Variants in LRRC4C observed in about 807,000 individuals in gnomAD.
LRRC4C encodes leucine-rich repeat-containing protein 4C.
A neutral mutation model predicts 33.6 loss-of-function variants in LRRC4C; 5 were observed. That is an observed-to-expected ratio of 0.15 (90% CI 0.08 to 0.31). LRRC4C has a LOEUF of 0.31. Ranked by LOEUF, LRRC4C falls within the 10% of genes least tolerant of loss-of-function variation. The pLI, the probability that LRRC4C is intolerant of heterozygous loss-of-function variation, is 1.00. For missense variants in LRRC4C, 560 were observed against 796.7 expected, an observed-to-expected ratio of 0.70 and a Z score of 3.58; for synonymous variants, 329 against 302.0, an observed-to-expected ratio of 1.09 and a Z score of -0.93.
intron 3 of LRRC4C, among the ~76,000 whole-genome samples, chr11:40,512,094 A>G (rs72899069): frequency 0.065 from 9,837 of 152,236 alleles, 837 homozygotes; most frequent in African/African-American, 0.2. Flanking sequence ...CCTATATCCT[A>G]AATAGCAAGA....
intron 1 of LRRC4C, among the ~76,000 whole-genome samples, chr11:41,119,138 G>A (rs983610917): frequency 9.9e-5 from 15 of 151,796 alleles, no homozygotes; most frequent in African/African-American, 3.6e-4. Flanking sequence ...TTTCATTGCC[G>A]TTTGCTGACG....
chr11:41,286,528 C>T (rs571816716), intron 1 of LRRC4C, among the ~76,000 whole-genome samples: 7 of 152,086 alleles, frequency 4.6e-5, no homozygotes, highest in Non-Finnish European at 8.8e-5. Flanking sequence ...CCAGTGAGAG[C>T]TCTAATAGAA....
intron 4 of LRRC4C, among the ~76,000 whole-genome samples, chr11:40,314,815 C>T (rs563768738): frequency 3.9e-5 from 6 of 152,152 alleles, no homozygotes; most frequent in African/African-American, 1.2e-4. Flanking sequence ...TTAAATACCA[C>T]ATGTTCTCAC....
chr11:40,890,560 G>A, intron 2 of LRRC4C, among the ~76,000 whole-genome samples: 1 of 152,166 alleles, frequency 6.6e-6, no homozygotes, highest in East Asian at 1.9e-4. Context: ...TAGCACTGCT[G>A]CATACATTAT....
chr11:41,040,315 A>T (rs554163336), intron 1 of LRRC4C, among the ~76,000 whole-genome samples: 1 of 150,028 alleles, frequency 6.7e-6, no homozygotes, highest in Non-Finnish European at 1.5e-5. Flanking sequence ...AGGAATGCAT[A>T]TTTAAAAAAA....
chr11:40,901,302 T>G (rs1956184934), intron 2 of LRRC4C, among the ~76,000 whole-genome samples: 1 of 152,006 alleles, frequency 6.6e-6, no homozygotes, highest in Admixed American at 6.6e-5. Flanking sequence ...ATATACAAAT[T>G]TAATGGAATT....
intron 1 of LRRC4C, among the ~76,000 whole-genome samples, chr11:40,990,792 A>G (rs1386219540): frequency 6.6e-6 from 1 of 152,178 alleles, no homozygotes; most frequent in Non-Finnish European, 1.5e-5. Flanking sequence ...TACTGCCGCA[A>G]TGAAGGAGCA....
At chr11:40,873,431 G>A (rs1311147325) in intron 2 of LRRC4C, among the ~76,000 whole-genome samples, 1 of 152,064 alleles carries the variant, frequency 6.6e-6, no homozygotes, top group Admixed American at 6.6e-5. Flanking sequence ...AGATGATTTT[G>A]TGTCACAGAT....
chr11:40,233,521 G>C (rs191691204), intron 5 of LRRC4C, among the ~76,000 whole-genome samples: 1 of 152,132 alleles, frequency 6.6e-6, no homozygotes, highest in Non-Finnish European at 1.5e-5. Flanking sequence ...TAGACGCAGA[G>C]AGCTGATATT....
chr11:40,175,022 CT>C (rs1245524106), intron 5 of LRRC4C, among the ~76,000 whole-genome samples: 1 of 152,120 alleles, frequency 6.6e-6, no homozygotes, highest in Non-Finnish European at 1.5e-5. Flanking sequence ...GATTGATGAT[CT>C]AGAATATAGT....
chr11:40,963,072 G>A (rs1851082109), intron 1 of LRRC4C, among the ~76,000 whole-genome samples: 1 of 151,684 alleles, frequency 6.6e-6, no homozygotes, highest in African/African-American at 2.4e-5. Context: ...GTAAAAACTT[G>A]ATATTGGAGT....
intron 1 of LRRC4C, among the ~76,000 whole-genome samples, chr11:41,083,981 T>C (rs1939770849): frequency 6.6e-6 from 1 of 152,256 alleles, no homozygotes; most frequent in Admixed American, 6.5e-5. Context: ...GATGTCTCCT[T>C]TGCATAGAAC....
intron 2 of LRRC4C, among the ~76,000 whole-genome samples, chr11:40,739,017 G>A (rs1465002241): frequency 8.8e-6 from 1 of 114,230 alleles, no homozygotes; most frequent in Non-Finnish European, 1.9e-5. Flanking sequence ...TTGTGTGTGT[G>A]TGTGTGTGTG....
intron 2 of LRRC4C, among the ~76,000 whole-genome samples, chr11:40,796,961 T>A (rs1334492085): frequency 6.6e-6 from 1 of 152,146 alleles, no homozygotes; most frequent in African/African-American, 2.4e-5. Flanking sequence ...GCAGGACTTT[T>A]GATAGACCAC....
intron 1 of LRRC4C, among the ~76,000 whole-genome samples, chr11:41,339,312 T>C (rs12270847): frequency 0.094 from 14,261 of 152,272 alleles, 741 homozygotes; most frequent in South Asian, 0.19. Flanking sequence ...TTGGAAGAAT[T>C]CACAAGGAAT....
chr11:41,142,187 G>C (rs1486283032), intron 1 of LRRC4C, among the ~76,000 whole-genome samples: 2 of 151,952 alleles, frequency 1.3e-5, no homozygotes, highest in East Asian at 1.9e-4. Flanking sequence ...TAGGTTTTCA[G>C]CTGTCGCTAA....
At chr11:41,167,231 G>T (rs1944769770) in intron 1 of LRRC4C, among the ~76,000 whole-genome samples, 1 of 152,178 alleles carries the variant, frequency 6.6e-6, no homozygotes, top group South Asian at 2.1e-4. Context: ...GAAGGTTGCT[G>T]GTATGCTTGA....
At chr11:40,361,930 A>C (rs1163007669) in intron 3 of LRRC4C, among the ~76,000 whole-genome samples, 1 of 152,172 alleles carries the variant, frequency 6.6e-6, no homozygotes, top group Non-Finnish European at 1.5e-5. Context: ...GACCAATGGA[A>C]CAGAATAGAG....
chr11:40,398,514 G>A (rs1269745749), intron 3 of LRRC4C, among the ~76,000 whole-genome samples: 1 of 151,930 alleles, frequency 6.6e-6, no homozygotes, highest in Non-Finnish European at 1.5e-5. Context: ...TTGAACCAAT[G>A]GATAAACCAG....
Sources: allele counts gnomAD v4.1 joint callset (sites outside exome capture counted in the v4.1 genomes callset), GRCh38; gene constraint gnomAD v4.1.1; transcripts MANE v1.5; gene names NCBI Gene and HGNC (gene_info 2026-07-23, HGNC 2026-07-21).